The following COL4A4 variants were observed in gnomAD, a reference collection of about 807,000 sequenced individuals.
The protein encoded by COL4A4 is collagen type IV alpha 4 chain.
Under a neutral mutation model 192.9 loss-of-function variants are expected in COL4A4, and 105 were observed. The ratio of observed to expected loss-of-function variants is 0.54; its 90% confidence interval spans 0.46 to 0.64. COL4A4 has a LOEUF of 0.64. Among genes scored for constraint, COL4A4 ranks in the 30% least tolerant of loss-of-function variants. The probability of loss-of-function intolerance (pLI) is 0.00; values close to 1 mark genes in which losing one functional copy is unlikely to be tolerated. For missense variants in COL4A4, 1,967 were observed against 2,169.3 expected (o/e 0.91, Z 1.85); for synonymous variants, 762 against 769.9 (o/e 0.99, Z 0.17).
chr2:227,060,101 G>GAAAAAAAGAAA, intron 27 of COL4A4, 35 bp downstream of exon 27: 1 of 503,760 alleles, frequency 2.0e-6, no homozygotes, highest in Non-Finnish European at 3.1e-6. Context: ...TCCCAAAGCA[G>GAAAAAAAGAAA]AAAAAAAAAA....
intron 25 of COL4A4, among the ~76,000 whole-genome samples, 169 bp downstream of exon 25, chr2:227,077,725 G>A (rs539193816): frequency 1.3e-5 from 2 of 150,986 alleles, no homozygotes; most frequent in South Asian, 4.2e-4. Flanking sequence ...GAGGAGGGAG[G>A]AAAGGGGTCT....
downstream of COL4A4, chr2:226,999,338 T>C (rs1321102507): frequency 2.6e-5 from 4 of 152,090 alleles, no homozygotes; most frequent in East Asian, 5.8e-4. Context: ...ATGGAAAGCA[T>C]TTGCTGGTAG....
Position 227,032,287 on chromosome 2 carries a change from A to G in COL4A4, c.3578-11T>C. On this transcript the variant is annotated splice_polypyrimidine_tract_variant and intron_variant, in intron 38 of 47. Transcript: ENST00000396625. ...CCACATCATGCAAACCTTAATGGGGAAAACAGAATTAATACTATATCTTCT... is the reference window on the plus strand; with the variant it reads ...CCACATCATGCAAACCTTAATGGGGGAAACAGAATTAATACTATATCTTCT... 6.2e-7 allele frequency: 1 copy of G among 1,611,228 alleles called. No homozygotes were observed. The highest frequency in any genetic ancestry group is 8.5e-7 in the Non-Finnish European group (1 of 1,178,484).
At position 227,121,193 on chromosome 2, in the gene COL4A4, A is replaced by C. The variant is rs755027181; in HGVS notation, c.193-45T>G. 2.5e-6 allele frequency: 4 copies of C among 1,603,316 alleles called. No homozygotes were observed. In the East Asian group the frequency reaches 9.0e-5, roughly 36 times the overall value. ...AGAAATGGGGGTGCAATTCTTAATT[A>C]CTGTCTTCTAACACAAACATATACT... On this transcript the variant is annotated intron_variant, in intron 4 of 47. Transcript: ENST00000396625.
At chr2:227,073,763 T>C (rs1305019026) in intron 25 of COL4A4, among the ~76,000 whole-genome samples, 6 of 152,100 alleles carry the variant, frequency 3.9e-5, no homozygotes, top group Non-Finnish European at 7.4e-5. Flanking sequence ...CTAACTGATC[T>C]TTAACAAAGC....
chr2:227,132,871 G>A (rs940777747), intron 4 of COL4A4, among the ~76,000 whole-genome samples: 3 of 152,188 alleles, frequency 2.0e-5, no homozygotes, highest in African/African-American at 4.8e-5. Context: ...ATTGAATATG[G>A]TTGTTTGAAA....
At chr2:226,992,725 A>G in the COL4A4 span, among the ~76,000 whole-genome samples, 2 of 152,204 alleles carry the variant, frequency 1.3e-5, no homozygotes, top group Non-Finnish European at 2.9e-5. Flanking sequence ...AAGAAAAGGG[A>G]CACTGGGTTT....
chr2:227,007,728 A>C, intron 47 of COL4A4, 140 bp from the exon 48 acceptor site: 1 of 1,217,496 alleles, frequency 8.2e-7, no homozygotes, highest in South Asian at 1.4e-5. Context: ...CAAGCGCTGA[A>C]AAGGAGTCGT....
At chr2:227,156,009 T>A (rs1249152064) in intron 1 of COL4A4, among the ~76,000 whole-genome samples, 1 of 151,918 alleles carries the variant, frequency 6.6e-6, no homozygotes, top group Non-Finnish European at 1.5e-5. Flanking sequence ...ATGCCTGGCA[T>A]GTAGGAGCAG....
At chr2:226,980,350 A>G in the COL4A4 span, among the ~76,000 whole-genome samples, 2 of 152,166 alleles carry the variant, frequency 1.3e-5, no homozygotes, top group East Asian at 3.9e-4. Flanking sequence ...CAGCTTTGTA[A>G]GACACCGGTA....
At chr2:227,136,283 C>T (rs1199124230) in intron 4 of COL4A4, among the ~76,000 whole-genome samples, 1 of 152,132 alleles carries the variant, frequency 6.6e-6, no homozygotes, top group African/African-American at 2.4e-5. Context: ...AGGGAGACAT[C>T]GACACTGACT....
intron 4 of COL4A4, among the ~76,000 whole-genome samples, chr2:227,135,597 G>C (rs1576777272): frequency 6.6e-6 from 1 of 151,940 alleles, no homozygotes; most frequent in East Asian, 1.9e-4. Flanking sequence ...CTGCATGCTG[G>C]CCTGACCACC....
chr2:227,100,506 T>C (rs888148831), intron 17 of COL4A4, among the ~76,000 whole-genome samples: 3 of 152,284 alleles, frequency 2.0e-5, no homozygotes, highest in African/African-American at 7.2e-5. Context: ...TTACATAGCA[T>C]TTACATTGTA....
intron 26 of COL4A4, among the ~76,000 whole-genome samples, chr2:227,061,262 G>A (rs73995104): frequency 0.025 from 3,819 of 152,264 alleles, 179 homozygotes; most frequent in African/African-American, 0.087. Flanking sequence ...CTGCTGATAC[G>A]GAATTATATT....
chr2:227,023,176 C>G (rs1488176252), intron 43 of COL4A4, among the ~76,000 whole-genome samples: 5 of 151,898 alleles, frequency 3.3e-5, no homozygotes, highest in Non-Finnish European at 5.9e-5. Flanking sequence ...CACGGTGGCT[C>G]ACACCTGTAA....
chr2:227,130,229 C>A (rs2062360421), intron 4 of COL4A4, among the ~76,000 whole-genome samples: 2 of 152,226 alleles, frequency 1.3e-5, no homozygotes, highest in Admixed American at 1.3e-4. Flanking sequence ...TGGAGTAACA[C>A]TCATTCGAGA....
At chr2:227,051,224 G>C in intron 32 of COL4A4, 66 bp from the exon 33 acceptor site, 1 of 1,526,286 alleles carries the variant, frequency 6.6e-7, no homozygotes, top group Non-Finnish European at 9.1e-7. Flanking sequence ...TTAAGCTGAG[G>C]GACCTGGTCC....
At chr2:227,125,479 G>T (rs1179335013) in intron 4 of COL4A4, among the ~76,000 whole-genome samples, 1 of 151,812 alleles carries the variant, frequency 6.6e-6, no homozygotes, top group Non-Finnish European at 1.5e-5. Flanking sequence ...AAAGTGCTGG[G>T]ATTACAGGTG....
chr2:226,995,030 C>G, the COL4A4 span, among the ~76,000 whole-genome samples: 310 of 151,642 alleles, frequency 2.0e-3, 1 homozygote, highest in African/African-American at 6.9e-3. Context: ...AAAGGCTGAT[C>G]AGAAGAAGCC....
Sources: gnomAD v4.1 joint callset for allele counts (sites outside exome capture counted in the v4.1 genomes callset) on GRCh38, gnomAD v4.1.1 for gene constraint, MANE v1.5 for transcripts, NCBI Gene and HGNC (gene_info 2026-07-23, HGNC 2026-07-21) for gene names.